The following FANCC variants were observed in gnomAD, a reference collection of about 807,000 sequenced individuals.
FANCC encodes the protein Fanconi anemia group C protein.
FANCC carries 55 observed loss-of-function variants against 71.3 expected under a neutral mutation model. The ratio of observed to expected loss-of-function variants is 0.77; its 90% CI spans 0.62 to 0.97. The LOEUF (loss-of-function observed/expected upper bound fraction) is 0.97, where lower values mean the gene tolerates loss of function less well. FANCC is among the 50% of genes least tolerant of loss of function. The pLI is 0.00. For synonymous variants in FANCC, 275 were observed against 244.9 expected, an observed-to-expected ratio of 1.12 and a Z score of -1.15; for missense variants, 678 against 670.9, an observed-to-expected ratio of 1.01 and a Z score of -0.12.
chr9:95,143,597 G>A (rs978403833), intron 7 of FANCC, among the ~76,000 whole-genome samples: 32 of 152,272 alleles, frequency 2.1e-4, no homozygotes, highest in African/African-American at 6.7e-4. Flanking sequence ...ATTATATCAC[G>A]AGATCACCGT....
intron 4 of FANCC, among the ~76,000 whole-genome samples, chr9:95,226,075 A>G (rs1164720779): frequency 6.6e-6 from 1 of 152,236 alleles, no homozygotes; most frequent in Non-Finnish European, 1.5e-5. Context: ...CCATATTTAC[A>G]CTGCAAAACT....
At chr9:95,291,229 A>C (rs1680874712) in intron 1 of FANCC, among the ~76,000 whole-genome samples, 1 of 152,206 alleles carries the variant, frequency 6.6e-6, no homozygotes, top group African/African-American at 2.4e-5. Flanking sequence ...ACCCAGAGCA[A>C]TTAGGTAAGA....
chr9:95,185,291 T>G (rs1037631310), intron 4 of FANCC, among the ~76,000 whole-genome samples: 2 of 152,238 alleles, frequency 1.3e-5, no homozygotes, highest in African/African-American at 4.8e-5. Flanking sequence ...AGTCCTAAAT[T>G]AAAGGTATGG....
intron 4 of FANCC, among the ~76,000 whole-genome samples, chr9:95,194,588 C>T (rs1827301078): frequency 6.6e-6 from 1 of 152,116 alleles, no homozygotes; most frequent in African/African-American, 2.4e-5. Context: ...TTTTCACTTC[C>T]CCAATGGCTA....
chr9:95,192,006 A>C (rs1039138545), intron 4 of FANCC, among the ~76,000 whole-genome samples: 1 of 152,134 alleles, frequency 6.6e-6, no homozygotes, highest in African/African-American at 2.4e-5. Flanking sequence ...ATCTCTCTTA[A>C]GGCCAAAACA....
chr9:95,158,767 T>C (rs1331206205), intron 6 of FANCC, among the ~76,000 whole-genome samples: 1 of 152,202 alleles, frequency 6.6e-6, no homozygotes, highest in South Asian at 2.1e-4. Flanking sequence ...TAAAAAGTCA[T>C]ATTTCTTGGT....
intron 7 of FANCC, 112 bp from the exon 8 acceptor site, chr9:95,135,614 G>C: frequency 1.2e-6 from 1 of 858,400 alleles, no homozygotes; most frequent in African/African-American, 1.7e-5. Context: ...TTCTCATCAT[G>C]GTCACAGCAG....
intron 14 of FANCC, among the ~76,000 whole-genome samples, chr9:95,106,577 A>T (rs1462225694): frequency 6.6e-6 from 1 of 152,160 alleles, no homozygotes; most frequent in Non-Finnish European, 1.5e-5. Flanking sequence ...TTTGACTTGG[A>T]CCGTTTTTTA....
chr9:95,314,740 AAAAAT>A (rs1481867944), intron 1 of FANCC, among the ~76,000 whole-genome samples: 1 of 152,222 alleles, frequency 6.6e-6, no homozygotes, highest in Non-Finnish European at 1.5e-5. Flanking sequence ...CAATACCATC[AAAAAT>A]AAAACTTCAA....
At chr9:95,172,234 T>TG (rs1257156609) in intron 4 of FANCC, 87 bp from the exon 5 acceptor site, 1 of 821,218 alleles carries the variant, frequency 1.2e-6, no homozygotes, top group Admixed American at 2.2e-5. Context: ...TATTTGTACA[T>TG]GGGGGTGGTC....
intron 4 of FANCC, among the ~76,000 whole-genome samples, chr9:95,226,955 C>T (rs915211562): frequency 4.6e-5 from 7 of 152,156 alleles, no homozygotes; most frequent in African/African-American, 1.7e-4. Context: ...AGGGGTCTCT[C>T]GCTTCTACCC....
At chr9:95,112,070 A>T (rs1337358413) in intron 12 of FANCC, among the ~76,000 whole-genome samples, 1 of 152,244 alleles carries the variant, frequency 6.6e-6, no homozygotes, top group Non-Finnish European at 1.5e-5. Flanking sequence ...GTTCAGGTGG[A>T]TATTTCAGCA....
At chr9:95,110,965 C>G (rs1169681246) in intron 13 of FANCC, 3 of 1,402,620 alleles carry the variant, frequency 2.1e-6, no homozygotes, top group Non-Finnish European at 2.8e-6. Flanking sequence ...CATCTGATTA[C>G]TTTAGTAAGA....
intron 3 of FANCC, among the ~76,000 whole-genome samples, chr9:95,246,662 A>G (rs1831000323): frequency 6.6e-6 from 1 of 152,196 alleles, no homozygotes; most frequent in Non-Finnish European, 1.5e-5. Flanking sequence ...AAGTAAGTGT[A>G]TTAAAGGGAG....
chr9:95,214,624 T>A (rs368661482), intron 4 of FANCC, among the ~76,000 whole-genome samples: 76 of 152,232 alleles, frequency 5.0e-4, no homozygotes, highest in African/African-American at 1.7e-3. Context: ...GACAGACGAA[T>A]GGATAAGCAA....
chr9:95,161,690 AGTGTT>A (rs1830755441), intron 6 of FANCC, among the ~76,000 whole-genome samples: 1 of 152,218 alleles, frequency 6.6e-6, no homozygotes, highest in Non-Finnish European at 1.5e-5. Flanking sequence ...ACAGTACAGT[AGTGTT>A]AACTATATGT....
Position 95,101,309 on chromosome 9 carries a change from T to G in FANCC, c.*398A>C. Reference sequence around the variant, plus strand: ...AAAAAGAGCTAAGTTCTCTCTAAATTCTTTAATGGTTCATGACCAAATTCT... The same window carrying G: ...AAAAAGAGCTAAGTTCTCTCTAAATGCTTTAATGGTTCATGACCAAATTCT... On this transcript the variant is annotated 3_prime_UTR_variant, in exon 15 of 15. Transcript: ENST00000289081. The G allele has an allele frequency of 3.0e-6, 1 of 329,858 alleles. No homozygotes were observed. The highest frequency in any genetic ancestry group is 4.6e-5 in the East Asian group (1 of 21,840). The allele number at this position is 329,858 out of a possible 1,614,324, so 20.4% of individuals were successfully genotyped here.
In FANCC at chr9:95,171,031, T is replaced by G. The variant is rs780677516; in HGVS notation, c.521+48A>C. ...TAAAATTTTCCTCTCATAACCAAACTGATACATTTTGAAACCTGAGAAGAA... is the reference window on the plus strand; with the variant it reads ...TAAAATTTTCCTCTCATAACCAAACGGATACATTTTGAAACCTGAGAAGAA... On this transcript the variant is annotated intron_variant, in intron 6 of 14. Transcript: ENST00000289081. The G allele has an allele frequency of 2.1e-6, 3 of 1,462,926 alleles. No individual in the cohort carries two copies. The South Asian group carries it at 3.4e-5, about 17-fold the overall frequency. 90.6% of individuals were successfully genotyped at this position (1,462,926 alleles called of 1,614,324 possible).
intron 13 of FANCC, among the ~76,000 whole-genome samples, chr9:95,108,016 G>A (rs942042217): frequency 6.6e-5 from 10 of 152,164 alleles, no homozygotes; most frequent in South Asian, 4.1e-4. Flanking sequence ...AGCAAAAACC[G>A]AAAGCCCATA....
Sources: gnomAD v4.1 joint callset for allele counts (sites outside exome capture counted in the v4.1 genomes callset) on GRCh38, gnomAD v4.1.1 for gene constraint, MANE v1.5 for transcripts, NCBI Gene and HGNC (gene_info 2026-07-23, HGNC 2026-07-21) for gene names.